TMEM135: variants seen among roughly 807,000 people sequenced by gnomAD.
TMEM135 encodes peroxisomal membrane protein 52.
TMEM135 carries 30 observed loss-of-function variants against 60.3 expected under a neutral mutation model. The ratio of observed to expected loss-of-function variants is 0.50; its 90% CI spans 0.37 to 0.68. The LOEUF (loss-of-function observed/expected upper bound fraction) is 0.68, where lower values mean the gene tolerates loss of function less well. Ranked by LOEUF, TMEM135 falls within the 30% of genes least tolerant of loss-of-function variation. The pLI is 0.00. For missense variants in TMEM135, 468 were observed against 548.8 expected (o/e 0.85, Z 1.47); for synonymous variants, 190 against 186.7 (o/e 1.02, Z -0.14).
At chr11:87,151,923 G>GT (rs1313221305) in intron 4 of TMEM135, among the ~76,000 whole-genome samples, 4 of 151,904 alleles carry the variant, frequency 2.6e-5, no homozygotes, top group Middle Eastern at 3.2e-3. Context: ...TCCTACCTCT[G>GT]TTTTTTTTCC....
chr11:87,133,427 C>G (rs925755943), intron 4 of TMEM135, among the ~76,000 whole-genome samples: 6 of 152,096 alleles, frequency 3.9e-5, no homozygotes, highest in Non-Finnish European at 8.8e-5. Context: ...TGGATGCCTT[C>G]TATTACTGTA....
At chr11:87,241,508 C>T (rs1034544230) in intron 6 of TMEM135, among the ~76,000 whole-genome samples, 4 of 152,030 alleles carry the variant, frequency 2.6e-5, no homozygotes, top group African/African-American at 9.7e-5. Context: ...GTGTTACAAA[C>T]ATTCTAATTA....
chr11:87,280,772 A>G (rs1369218439), intron 6 of TMEM135, among the ~76,000 whole-genome samples: 1 of 152,142 alleles, frequency 6.6e-6, no homozygotes, highest in Admixed American at 6.5e-5. Flanking sequence ...CACATTGTCA[A>G]CTCTTTATAA....
At position 87,324,233 on chromosome 11, in the gene TMEM135, T is replaced by A. The variant is rs558120403; in HGVS notation, c.*2900T>A. 96 of 454,060 alleles carry A rather than the reference T, an allele frequency of 2.1e-4. No homozygotes were observed. The highest frequency in any genetic ancestry group is 1.8e-3 in the African/African-American group (88 of 50,108). The allele number at this position is 454,060 out of a possible 1,614,324, so 28.1% of individuals were successfully genotyped here. On this transcript the variant is annotated 3_prime_UTR_variant, in exon 15 of 15. Coordinates refer to ENST00000305494, the MANE Select transcript of TMEM135 (RefSeq NM_022918.4). ...TTCTGTGTGCTCTACATTTCATAGG[T>A]AATGAAAAGCAATGTCCTTTACTCT...
At chr11:87,212,706 C>A (rs1416527089) in intron 5 of TMEM135, among the ~76,000 whole-genome samples, 1 of 151,664 alleles carries the variant, frequency 6.6e-6, no homozygotes, top group African/African-American at 2.4e-5. Context: ...GCTTGTGGTC[C>A]CAGCTACTCA....
intron 3 of TMEM135, among the ~76,000 whole-genome samples, chr11:87,077,950 A>G (rs949407254): frequency 1.3e-5 from 2 of 152,194 alleles, no homozygotes; most frequent in Admixed American, 6.5e-5. Flanking sequence ...CAAATAATTC[A>G]TTATATGGAT....
At chr11:87,307,929 T>A (rs1281892070) in intron 9 of TMEM135, among the ~76,000 whole-genome samples, 1 of 152,222 alleles carries the variant, frequency 6.6e-6, no homozygotes, top group Non-Finnish European at 1.5e-5. Flanking sequence ...CTGTCTGAGC[T>A]GTCTGAAATG....
chr11:87,157,486 A>G (rs1011575233), intron 5 of TMEM135, 80 bp downstream of exon 5: 11 of 1,230,248 alleles, frequency 8.9e-6, no homozygotes, highest in South Asian at 2.4e-5. Flanking sequence ...GATGAAATCT[A>G]TGATGCTTTG....
At chr11:87,222,523 G>C (rs1219373282) in intron 5 of TMEM135, among the ~76,000 whole-genome samples, 2 of 148,902 alleles carry the variant, frequency 1.3e-5, no homozygotes, top group Non-Finnish European at 3.0e-5. Context: ...TAATTACTGG[G>C]CCGAGCGTGG....
chr11:87,089,791 G>T (rs539400188), intron 3 of TMEM135, among the ~76,000 whole-genome samples: 1 of 152,020 alleles, frequency 6.6e-6, no homozygotes, highest in African/African-American at 2.4e-5. Context: ...GAGTATTTTT[G>T]ATTTAGAATT....
intron 1 of TMEM135, among the ~76,000 whole-genome samples, chr11:87,066,758 T>C (rs2135135310): frequency 6.6e-6 from 1 of 151,600 alleles, no homozygotes; most frequent in East Asian, 1.9e-4. Flanking sequence ...AGGTGATACA[T>C]ACTTGTGTTG....
chr11:87,187,247 T>G (rs1410081412), intron 5 of TMEM135, among the ~76,000 whole-genome samples: 1 of 152,198 alleles, frequency 6.6e-6, no homozygotes, highest in Non-Finnish European at 1.5e-5. Context: ...ATAGCGGTGC[T>G]TCACAGAAAG....
chr11:87,241,162 G>A (rs1475364791), intron 6 of TMEM135, among the ~76,000 whole-genome samples: 3 of 151,922 alleles, frequency 2.0e-5, no homozygotes, highest in Non-Finnish European at 2.9e-5. Context: ...CTATTTATTG[G>A]CTGGACAACC....
At chr11:87,289,851 T>C (rs1304941737) in intron 6 of TMEM135, among the ~76,000 whole-genome samples, 3 of 152,192 alleles carry the variant, frequency 2.0e-5, no homozygotes, top group African/African-American at 7.2e-5. Context: ...AAACTGTTTT[T>C]AGCTTCCACA....
intron 5 of TMEM135, among the ~76,000 whole-genome samples, chr11:87,186,447 C>T (rs1264858976): frequency 2.0e-5 from 3 of 152,036 alleles, no homozygotes; most frequent in Non-Finnish European, 2.9e-5. Context: ...TACTCATACC[C>T]CATGAATTAA....
intron 6 of TMEM135, among the ~76,000 whole-genome samples, chr11:87,275,096 C>T (rs1455868067): frequency 1.3e-5 from 2 of 151,690 alleles, no homozygotes; most frequent in Non-Finnish European, 2.9e-5. Flanking sequence ...TGCAATTTTT[C>T]TGTTAAAATA....
chr11:87,061,124 G>A (rs2077594), intron 1 of TMEM135, among the ~76,000 whole-genome samples: 48,483 of 151,980 alleles, frequency 0.32, 9,039 homozygotes, highest in East Asian at 0.59. Flanking sequence ...ATAGGATGGT[G>A]CCTGGCACAA....
In TMEM135 at chr11:87,069,306, A is replaced by G. The variant is rs985278680; in HGVS notation, c.269+1485A>G. 8.2e-4 allele frequency among the ~76,000 whole-genome samples: 124 copies of G among 151,214 alleles called. 1 individual carries two copies. Among genetic ancestry groups the G allele is most frequent in the Middle Eastern group, 3.5e-3 (1 of 288 alleles). On this transcript the variant is annotated intron_variant, in intron 2 of 14. Transcript: ENST00000305494. ...TCTCAAAAAAAAAAAAAAAAAAAAA[A>G]AAGAAGAAGAAAGTTTCTATGATTA...
chr11:87,171,743 T>C (rs1051914818), intron 5 of TMEM135, among the ~76,000 whole-genome samples: 11 of 152,174 alleles, frequency 7.2e-5, no homozygotes, highest in African/African-American at 2.4e-4. Flanking sequence ...TGTCCGACCT[T>C]TTTGGCACGA....
Sources: allele counts gnomAD v4.1 joint callset (sites outside exome capture counted in the v4.1 genomes callset), GRCh38; gene constraint gnomAD v4.1.1; transcripts MANE v1.5; gene names NCBI Gene and HGNC (gene_info 2026-07-23, HGNC 2026-07-21).